PCDHGA3: variants seen among roughly 807,000 people sequenced by gnomAD.
PCDHGA3 encodes the protein protocadherin gamma subfamily A, 3, also known as protocadherin gamma-A3.
PCDHGA3 carries 40 observed loss-of-function variants against 58.5 expected under a neutral mutation model. That is an observed-to-expected ratio of 0.68 (90% CI 0.53 to 0.89). The LOEUF (loss-of-function observed/expected upper bound fraction) is 0.89. PCDHGA3 is among the 40% of genes least tolerant of loss of function. The pLI, the probability that PCDHGA3 is intolerant of heterozygous loss-of-function variation, is 0.00. For missense variants in PCDHGA3, 1,223 were observed against 1,195.9 expected (o/e 1.02, Z -0.33); for synonymous variants, 530 against 525.7 (o/e 1.01, Z -0.11).
intron 1 of PCDHGA3, chr5:141,409,493 CCT>C (rs1312265786): frequency 6.2e-6 from 10 of 1,614,012 alleles, no homozygotes; most frequent in Non-Finnish European, 7.6e-6. Context: ...GGGCAAGCCG[CCT>C]CTTTCTTCCA....
chr5:141,431,066 CAATT>C lies in PCDHGA3; in HGVS notation c.2425-63738_2425-63735del, dbSNP rs762972663. ...GCTCTGTATGGGGGCCATCAAGTGT[CAATT>C]AAATCTAGACATTCTGATGGAGGAT... On this transcript the variant is annotated intron_variant, in intron 1 of 3. Transcript: ENST00000253812. This position sits in a 1 kb window ranked among gnomAD's most constrained non-coding sequence, Gnocchi z 4.8. 9 of 1,614,042 alleles carry C rather than the reference CAATT, an allele frequency of 5.6e-6. No individual in the cohort carries two copies. The East Asian group carries it at 2.0e-4, about 36-fold the overall frequency.
intron 1 of PCDHGA3, among the ~76,000 whole-genome samples, chr5:141,382,255 A>C (rs999860225): frequency 6.6e-6 from 1 of 152,204 alleles, no homozygotes. Flanking sequence ...ATCTTGCATC[A>C]TGGTGTCTAG....
chr5:141,385,288 T>G (rs1781084944), intron 1 of PCDHGA3: 1 of 1,613,250 alleles, frequency 6.2e-7, no homozygotes, highest in Admixed American at 1.7e-5. Context: ...ATCCGTAGAT[T>G]TTCAGGAATG....
chr5:141,424,860 A>C (rs2154550951), intron 1 of PCDHGA3, among the ~76,000 whole-genome samples: 1 of 152,340 alleles, frequency 6.6e-6, no homozygotes. Flanking sequence ...TGTCTAGGAA[A>C]GCCAAATGAG....
chr5:141,415,533 G>C lies in PCDHGA3; in HGVS notation c.2424+69076G>C, dbSNP rs749139053. On this transcript the variant is annotated intron_variant, in intron 1 of 3. Coordinates refer to ENST00000253812, the MANE Select transcript of PCDHGA3 (RefSeq NM_018916.4). ...ATTATGCGGACACGCTCATCAGCCA[G>C]GAGAGCTGTGAGAAAAACGATCCTT... is the stretch of plus-strand genomic sequence containing the variant. 1.4e-5 allele frequency: 22 copies of C among 1,614,080 alleles called. No individual in the cohort carries two copies. Among genetic ancestry groups the C allele is most frequent in the Non-Finnish European group, 1.9e-5 (22 of 1,180,042 alleles).
At position 141,365,767 on chromosome 5, in the gene PCDHGA3, C is replaced by A. The variant is rs775369116; in HGVS notation, c.2424+19310C>A. 1.9e-6 allele frequency: 3 copies of A among 1,613,718 alleles called. No homozygotes were observed. The East Asian group carries it at 6.7e-5, about 36-fold the overall frequency. ...TCTTCTCTGTGACAGCCCATGACCC[C>A]GACAGCGGCGACAACGCTCGAGTCA... On this transcript the variant is annotated intron_variant, in intron 1 of 3. Transcript: ENST00000253812.
At chr5:141,365,656 A>C in intron 1 of PCDHGA3, 2 of 1,613,518 alleles carry the variant, frequency 1.2e-6, no homozygotes. Flanking sequence ...CCTTGAAAGT[A>C]GCAGACGTTA....
chr5:141,350,078 T>G (rs1262887949), intron 1 of PCDHGA3: 5 of 437,494 alleles, frequency 1.1e-5, no homozygotes, highest in Non-Finnish European at 2.0e-5. Flanking sequence ...TTCTCAATTC[T>G]GCAGGAGCGT....
intron 1 of PCDHGA3, chr5:141,351,524 GA>G: frequency 6.2e-7 from 1 of 1,613,998 alleles, no homozygotes. Context: ...CATAGCCACC[GA>G]CAAGGGCAAA....
intron 1 of PCDHGA3, chr5:141,371,776 T>C (rs1216205837): frequency 6.2e-7 from 1 of 1,613,882 alleles, no homozygotes; most frequent in Non-Finnish European, 8.5e-7. Flanking sequence ...ACCGTGCATG[T>C]AGCTGAGAAC....
chr5:141,415,427 G>C, intron 1 of PCDHGA3: 3 of 1,614,188 alleles, frequency 1.9e-6, no homozygotes, highest in Non-Finnish European at 2.5e-6. Flanking sequence ...GACGGGGTTC[G>C]GGCTTTCCTG....
rs926009065 is a variant in PCDHGA3, at chr5:141,488,023, AG to A, written c.2425-6782del. ...TCAGATTCTGAAGTACCTTAACTCT[AG>A]GTTACCATTTCCCAAGGGATTGAGG... On this transcript the variant is annotated intron_variant, in intron 1 of 3. Transcript: ENST00000253812. 1.4e-3 allele frequency among the ~76,000 whole-genome samples: 213 copies of A among 152,260 alleles called. 1 individual carries two copies. The highest frequency in any genetic ancestry group is 5.0e-3 in the African/African-American group (208 of 41,542).
intron 1 of PCDHGA3, chr5:141,389,141 C>A: frequency 1.2e-6 from 2 of 1,613,998 alleles, no homozygotes; most frequent in Non-Finnish European, 8.5e-7. Flanking sequence ...ACAATATAAC[C>A]GTTACGGCAA....
intron 1 of PCDHGA3, chr5:141,360,898 G>A (rs1252117170): frequency 6.2e-7 from 1 of 1,614,040 alleles, no homozygotes; most frequent in Non-Finnish European, 8.5e-7. Flanking sequence ...GAGGGAGGAC[G>A]TGCCGCCGGG....
chr5:141,384,588 G>A, intron 1 of PCDHGA3: 1 of 1,614,242 alleles, frequency 6.2e-7, no homozygotes, highest in Non-Finnish European at 8.5e-7. Flanking sequence ...CCGAGATCCT[G>A]TACCCGGCCC....
intron 1 of PCDHGA3, chr5:141,390,010 T>C: frequency 6.2e-7 from 1 of 1,614,044 alleles, no homozygotes; most frequent in East Asian, 2.2e-5. Context: ...ATTCTGGCCA[T>C]TGCCTTGCGC....
chr5:141,399,865 C>T, intron 1 of PCDHGA3: 1 of 1,612,866 alleles, frequency 6.2e-7, no homozygotes, highest in African/African-American at 1.3e-5. Flanking sequence ...CGCTGCAGAG[C>T]CCGGCTACCT....
At chr5:141,374,136 C>A (rs769413254) in intron 1 of PCDHGA3, 3 of 1,605,624 alleles carry the variant, frequency 1.9e-6, no homozygotes, top group Middle Eastern at 1.7e-4. Context: ...CTGCTCCTCA[C>A]GCTCCTGGGG....
At chr5:141,393,097 T>C in intron 1 of PCDHGA3, 1 of 1,613,608 alleles carries the variant, frequency 6.2e-7, no homozygotes, top group South Asian at 1.1e-5. Context: ...CGGGAGGAGC[T>C]CTGCGCTCAG....
Sources: gnomAD v4.1 joint callset for allele counts (sites outside exome capture counted in the v4.1 genomes callset) on GRCh38, gnomAD v4.1.1 for gene constraint, Gnocchi (gnomAD v3.1) non-coding constraint, MANE v1.5 for transcripts, NCBI Gene and HGNC (gene_info 2026-07-23, HGNC 2026-07-21) for gene names.